The following ATP13A5 variants were observed in gnomAD, a reference collection of about 807,000 sequenced individuals.
ATP13A5 encodes ATPase 13A5.
ATP13A5 carries 149 observed loss-of-function variants against 150.2 expected under a neutral mutation model. The ratio of observed to expected loss-of-function variants is 0.99; its 90% confidence interval spans 0.87 to 1.14. The LOEUF (loss-of-function observed/expected upper bound fraction) is 1.14, where lower values mean the gene tolerates loss of function less well. ATP13A5 is among the 50% of genes most tolerant of loss of function. The pLI is 0.00. For synonymous variants in ATP13A5, 497 were observed against 522.2 expected, an observed-to-expected ratio of 0.95 and a Z score of 0.66; for missense variants, 1,383 against 1,449.3, an observed-to-expected ratio of 0.95 and a Z score of 0.74.
intron 9 of ATP13A5, among the ~76,000 whole-genome samples, chr3:193,338,292 G>C (rs1711973364): frequency 6.6e-6 from 1 of 152,116 alleles, no homozygotes; most frequent in Non-Finnish European, 1.5e-5. Context: ...GGTGAGAGAG[G>C]GCATCCCTGT....
rs766350622 is a variant in ATP13A5 at position 193,315,059 on chromosome 3, G to A, written c.2071C>T (p.Leu691Phe). 1 of 1,613,032 alleles carries A rather than the reference G, an allele frequency of 6.2e-7. No individual in the cohort carries two copies. The highest frequency in any genetic ancestry group is 1.3e-5 in the African/African-American group (1 of 74,992). Residue 691 changes from leucine to phenylalanine, a missense_variant, in exon 18 of 30, where the codon CTC (leucine) becomes TTC (phenylalanine). Transcript: ENST00000342358. The stretch of plus-strand genomic sequence containing the variant: ...TTTTTCAAGCGATTCTCCATGATGA[G>A]AAGTCCCAGAAATGTTAACTCTGAC... ...VESELTFLGL[L>F]IMENRLKKET...
At chr3:193,365,202 T>C (rs13075822) in intron 1 of ATP13A5, among the ~76,000 whole-genome samples, 36,909 of 152,100 alleles carry the variant, frequency 0.24, 4,467 homozygotes, top group South Asian at 0.31. Context: ...GACTGAACTC[T>C]GAATTTTCAG....
intron 9 of ATP13A5, among the ~76,000 whole-genome samples, chr3:193,336,007 G>A (rs957898853): frequency 2.0e-5 from 3 of 152,112 alleles, no homozygotes; most frequent in Non-Finnish European, 2.9e-5. Flanking sequence ...AAGATTTAAA[G>A]AGTATTAGAA....
chr3:193,355,725 A>G (rs911733531), intron 5 of ATP13A5, among the ~76,000 whole-genome samples: 1 of 152,144 alleles, frequency 6.6e-6, no homozygotes, highest in Non-Finnish European at 1.5e-5. Context: ...CTCCCGCTGG[A>G]AAGAGCCCAT....
In ATP13A5 at chr3:193,354,179, G is replaced by T; in HGVS notation, c.554C>A (p.Pro185His). 6.2e-7 allele frequency: 1 copy of T among 1,612,526 alleles called. No homozygotes were observed. The highest frequency in any genetic ancestry group is 8.5e-7 in the Non-Finnish European group (1 of 1,179,564). The change falls in exon 6 of 30, where the codon CCC (proline) becomes CAC (histidine). Residue 185 changes from proline to histidine, a missense_variant. Transcript: ENST00000342358. Reference sequence around the variant, plus strand: ...TTGGATTTCAACCTCAATGGCGTTGGGCCCACACACTAATCTTCTGCGGGA... The same window carrying T: ...TTGGATTTCAACCTCAATGGCGTTGTGCCCACACACTAATCTTCTGCGGGA... Reference protein sequence around the residue: ...EQEVRRLVCGPNAIEVEIQPI... With the variant: ...EQEVRRLVCGHNAIEVEIQPI...
intron 22 of ATP13A5, 186 bp downstream of exon 22, chr3:193,307,141 G>C: frequency 1.4e-6 from 2 of 1,427,196 alleles, no homozygotes; most frequent in Non-Finnish European, 1.8e-6. Context: ...GAAAGCATCG[G>C]AAGTGTCTCA....
intron 5 of ATP13A5, among the ~76,000 whole-genome samples, chr3:193,358,987 C>T (rs543650080): frequency 3.3e-5 from 5 of 151,924 alleles, no homozygotes; most frequent in African/African-American, 1.2e-4. Context: ...TCCATAGAAC[C>T]GTGGATCTGA....
At chr3:193,297,948 T>C (rs1333575779) in intron 25 of ATP13A5, among the ~76,000 whole-genome samples, 1 of 152,122 alleles carries the variant, frequency 6.6e-6, no homozygotes, top group African/African-American at 2.4e-5. Context: ...GCTCTTCAAG[T>C]GCTCAGAGAG....
intron 6 of ATP13A5, 38 bp from the exon 7 acceptor site, chr3:193,351,239 A>G (rs757485501): frequency 6.2e-7 from 1 of 1,612,436 alleles, no homozygotes; most frequent in Non-Finnish European, 8.5e-7. Flanking sequence ...CACTTGCATG[A>G]ACCTTAGTAG....
chr3:193,326,860 T>C, intron 13 of ATP13A5, 136 bp downstream of exon 13: 1 of 730,798 alleles, frequency 1.4e-6, no homozygotes, highest in Non-Finnish European at 2.3e-6. Context: ...CAAGTTAGAA[T>C]AATTAGGAAC....
chr3:193,354,097 T>C, intron 6 of ATP13A5, 30 bp downstream of exon 6: 2 of 1,533,078 alleles, frequency 1.3e-6, no homozygotes, highest in Non-Finnish European at 8.7e-7. Flanking sequence ...AATCTATTTT[T>C]TCAAAAAAAA....
At chr3:193,287,582 C>G (rs537761514) in intron 26 of ATP13A5, among the ~76,000 whole-genome samples, 1 of 152,176 alleles carries the variant, frequency 6.6e-6, no homozygotes, top group Non-Finnish European at 1.5e-5. Flanking sequence ...CTGTTCAGAC[C>G]TACTGCTCAG....
rs142738427 is a variant in ATP13A5, at chr3:193,291,764, C to T, written c.2849-1705G>A. ...TAGTACTCTGCATATTGTCACCCAT[C>T]GATGTGCCAAGAGGGTGAGGCATCC... On this transcript the variant is annotated intron_variant, in intron 25 of 29. Transcript: ENST00000342358. Among the ~76,000 whole-genome samples, 73 of 152,086 alleles carry T rather than the reference C, an allele frequency of 4.8e-4. 1 individual carries two copies. In the East Asian group the frequency reaches 0.011, roughly 23 times the overall value.
At chr3:193,283,945 TAA>T (rs754445079) in intron 27 of ATP13A5, among the ~76,000 whole-genome samples, 6 of 151,066 alleles carry the variant, frequency 4.0e-5, no homozygotes, top group Admixed American at 6.6e-5. Flanking sequence ...ACTTCACTCC[TAA>T]AGAGTGTCCC....
intron 24 of ATP13A5, among the ~76,000 whole-genome samples, chr3:193,299,664 C>G (rs1718326084): frequency 6.6e-6 from 1 of 152,150 alleles, no homozygotes; most frequent in Admixed American, 6.6e-5. Flanking sequence ...ACAAACTGAA[C>G]AAAGGCTCCT....
chr3:193,367,214 G>C (rs1713269257), intron 1 of ATP13A5, among the ~76,000 whole-genome samples: 1 of 151,882 alleles, frequency 6.6e-6, no homozygotes, highest in African/African-American at 2.4e-5. Flanking sequence ...AAATAAGACA[G>C]AAAGTAGAAA....
In ATP13A5 at chr3:193,331,260, C is replaced by T. The variant is rs974825431; in HGVS notation, c.1324G>A (p.Val442Ile). ...AGGGCAGCTGGCAGCACTGGAGGGACAGTCACGGTGAGGAGGATCAGGGCC... is the reference window on the plus strand; with the variant it reads ...AGGGCAGCTGGCAGCACTGGAGGGATAGTCACGGTGAGGAGGATCAGGGCC... ...TMALILLTVT[V>I]PPVLPAALTI... Residue 442 changes from valine (V) to isoleucine (I), a missense_variant, in exon 12 of 30, where the codon GTC becomes ATC. This residue lies in a region of ATP13A5 where 787 missense variants were observed against 771.9 expected (regional missense o/e 1.02). Transcript: ENST00000342358. 1.2e-6 allele frequency: 2 copies of T among 1,613,920 alleles called. No individual in the cohort carries two copies. The highest frequency in any genetic ancestry group is 1.7e-6 in the Non-Finnish European group (2 of 1,179,964).
intron 17 of ATP13A5, 32 bp downstream of exon 17, chr3:193,318,959 C>T (rs765613069): frequency 1.3e-6 from 2 of 1,483,064 alleles, no homozygotes; most frequent in Non-Finnish European, 1.9e-6. Flanking sequence ...GGGCACAGAG[C>T]CTGCTCTAGT....
chr3:193,307,964 T>A (rs1560124989), intron 21 of ATP13A5, among the ~76,000 whole-genome samples: 1 of 152,162 alleles, frequency 6.6e-6, no homozygotes. Flanking sequence ...GAAAAGGAGT[T>A]TCAGATGTAA....
Sources: allele counts gnomAD v4.1 joint callset (sites outside exome capture counted in the v4.1 genomes callset), GRCh38; gene constraint gnomAD v4.1.1; regional missense constraint gnomAD v4.1.1; transcripts MANE v1.5; gene names NCBI Gene and HGNC (gene_info 2026-07-23, HGNC 2026-07-21).